The following DPYD variants were observed in gnomAD, a reference collection of about 807,000 sequenced individuals.
The protein encoded by DPYD is dihydropyrimidine dehydrogenase.
Under a neutral mutation model 116.2 loss-of-function variants are expected in DPYD, and 109 were observed. That is an observed-to-expected ratio of 0.94 (90% CI 0.80 to 1.10). The LOEUF (loss-of-function observed/expected upper bound fraction) is 1.10. Among genes scored for constraint, DPYD ranks in the 50% least tolerant of loss-of-function variants. DPYD has a pLI of 0.00. For missense variants in DPYD, 1,302 were observed against 1,254.5 expected, an observed-to-expected ratio of 1.04 and a Z score of -0.57; for synonymous variants, 440 against 432.0, an observed-to-expected ratio of 1.02 and a Z score of -0.23.
chr1:97,472,861 A>G (rs1677738349), intron 13 of DPYD, among the ~76,000 whole-genome samples: 2 of 152,210 alleles, frequency 1.3e-5, no homozygotes, highest in South Asian at 4.1e-4. Context: ...CAAAACTTGT[A>G]TATATTTAAG....
intron 21 of DPYD, among the ~76,000 whole-genome samples, chr1:97,088,519 C>T (rs1649678433): frequency 6.6e-6 from 1 of 152,176 alleles, no homozygotes. Context: ...TTCATCACTC[C>T]TCTGTCTTGC....
intron 5 of DPYD, chr1:97,720,836 CTCCAAATAGGAGACG>C: frequency 6.3e-7 from 1 of 1,598,468 alleles, no homozygotes; most frequent in East Asian, 2.3e-5. Context: ...TGCTTGTTGA[CTCCAAATAGGAGACG>C]TCAGAGAGCC....
At chr1:97,702,992 A>C (rs1389508700) in intron 5 of DPYD, among the ~76,000 whole-genome samples, 1 of 152,000 alleles carries the variant, frequency 6.6e-6, no homozygotes, top group Non-Finnish European at 1.5e-5. Flanking sequence ...GCATATGTGC[A>C]CATACTAGAA....
chr1:97,481,577 C>CT (rs1465127096), intron 13 of DPYD, among the ~76,000 whole-genome samples: 1 of 152,100 alleles, frequency 6.6e-6, no homozygotes, highest in African/African-American at 2.4e-5. Flanking sequence ...AATCCATACT[C>CT]TGAGAATTAC....
At chr1:97,873,039 A>AG (rs1671735698) in intron 2 of DPYD, among the ~76,000 whole-genome samples, 1 of 151,632 alleles carries the variant, frequency 6.6e-6, no homozygotes, top group Non-Finnish European at 1.5e-5. Context: ...CCAACCTTGA[A>AG]TTCTGAGACC....
intron 8 of DPYD, among the ~76,000 whole-genome samples, chr1:97,602,148 A>G (rs988897552): frequency 6.6e-6 from 1 of 152,034 alleles, no homozygotes; most frequent in African/African-American, 2.4e-5. Flanking sequence ...GAGTATTATT[A>G]TATCATTTTG....
At chr1:97,121,903 G>C (rs186761429) in intron 20 of DPYD, among the ~76,000 whole-genome samples, 1 of 152,284 alleles carries the variant, frequency 6.6e-6, no homozygotes, top group Admixed American at 6.5e-5. Context: ...CTGTAAGACA[G>C]ACAACATCCT....
chr1:97,319,555 A>G (rs543655693), intron 16 of DPYD, among the ~76,000 whole-genome samples: 2,515 of 140,482 alleles, frequency 0.018, 101 homozygotes, highest in African/African-American at 0.065. Context: ...CTCTGAATAG[A>G]CCAATAACAG....
chr1:97,189,439 C>T (rs1465238208), intron 20 of DPYD, among the ~76,000 whole-genome samples: 1 of 152,122 alleles, frequency 6.6e-6, no homozygotes, highest in African/African-American at 2.4e-5. Flanking sequence ...GTTCTCATCC[C>T]AAGCACCAAA....
At chr1:97,858,613 C>T (rs1332960940) in intron 2 of DPYD, among the ~76,000 whole-genome samples, 1 of 152,056 alleles carries the variant, frequency 6.6e-6, no homozygotes, top group Non-Finnish European at 1.5e-5. Context: ...ATGCTTGAAA[C>T]TCAAACTTTA....
chr1:97,224,873 G>A (rs1440665047), intron 19 of DPYD, among the ~76,000 whole-genome samples: 1 of 151,834 alleles, frequency 6.6e-6, no homozygotes, highest in African/African-American at 2.4e-5. Flanking sequence ...ACTCCATTGC[G>A]TATATATGCT....
intron 3 of DPYD, among the ~76,000 whole-genome samples, chr1:97,823,194 AC>A (rs960386163): frequency 7.9e-5 from 12 of 152,014 alleles, no homozygotes; most frequent in Middle Eastern, 3.4e-3. Flanking sequence ...TCACTCTGTC[AC>A]CCAGGCTGAA....
At chr1:97,516,870 A>G (rs547691024) in intron 12 of DPYD, among the ~76,000 whole-genome samples, 2 of 152,040 alleles carry the variant, frequency 1.3e-5, no homozygotes, top group African/African-American at 4.8e-5. Context: ...GACAAATAAC[A>G]TTGGAAAATA....
At chr1:97,410,721 TATAG>T (rs974158840) in intron 14 of DPYD, among the ~76,000 whole-genome samples, 3 of 152,104 alleles carry the variant, frequency 2.0e-5, no homozygotes, top group African/African-American at 2.4e-5. Flanking sequence ...AACCAAAGTT[TATAG>T]ATAGATTTAT....
intron 1 of DPYD, among the ~76,000 whole-genome samples, chr1:97,913,634 T>C (rs1674074793): frequency 6.6e-6 from 1 of 152,200 alleles, no homozygotes; most frequent in Admixed American, 6.5e-5. Context: ...TTAGGCATGG[T>C]AATGTTTCTA....
intron 8 of DPYD, among the ~76,000 whole-genome samples, chr1:97,654,284 A>T (rs1374215379): frequency 6.6e-6 from 1 of 152,162 alleles, no homozygotes; most frequent in African/African-American, 2.4e-5. Flanking sequence ...AGTAAAATGA[A>T]ATTATTAGAA....
intron 14 of DPYD, among the ~76,000 whole-genome samples, chr1:97,399,555 C>T (rs1386469039): frequency 1.6e-4 from 25 of 152,206 alleles, no homozygotes; most frequent in African/African-American, 2.6e-4. Context: ...GCCATTTTCA[C>T]GATATTTATT....
chr1:97,861,802 G>A (rs1337826848), intron 2 of DPYD, among the ~76,000 whole-genome samples: 1 of 151,934 alleles, frequency 6.6e-6, no homozygotes, highest in African/African-American at 2.4e-5. Flanking sequence ...AATGCGGAAA[G>A]GGATTAAGAT....
At chr1:97,761,567 C>G (rs759907456) in intron 3 of DPYD, among the ~76,000 whole-genome samples, 1 of 152,110 alleles carries the variant, frequency 6.6e-6, no homozygotes, top group Non-Finnish European at 1.5e-5. Context: ...TTCTTACACA[C>G]TGTTGCTGGG....
Sources: allele counts gnomAD v4.1 joint callset (sites outside exome capture counted in the v4.1 genomes callset), GRCh38; gene constraint gnomAD v4.1.1; transcripts MANE v1.5; gene names NCBI Gene and HGNC (gene_info 2026-07-23, HGNC 2026-07-21).